The following FAF1 variants were observed in gnomAD, a reference collection of about 807,000 sequenced individuals.
FAF1 encodes the protein Fas associated factor 1, also known as FAS-associated factor 1.
In FAF1, 25 loss-of-function variants were observed where a neutral mutation model predicts 92.5. The ratio of observed to expected loss-of-function variants is 0.27; its 90% CI spans 0.20 to 0.38. The LOEUF is 0.38. FAF1 is among the 10% of genes least tolerant of loss of function. The pLI, the probability that FAF1 is intolerant of heterozygous loss-of-function variation, is 1.00. For synonymous variants in FAF1, 234 were observed against 273.2 expected (o/e 0.86, Z 1.42); for missense variants, 636 against 793.3 (o/e 0.80, Z 2.38).
chr1:50,729,527 C>T (rs1193050472), intron 6 of FAF1, among the ~76,000 whole-genome samples: 2 of 151,792 alleles, frequency 1.3e-5, no homozygotes, highest in Non-Finnish European at 1.5e-5. Flanking sequence ...ATGCCTCAGC[C>T]TCCTGAGTAG....
chr1:50,590,843 G>A (rs1453076494), intron 9 of FAF1, among the ~76,000 whole-genome samples: 2 of 152,090 alleles, frequency 1.3e-5, no homozygotes, highest in Non-Finnish European at 2.9e-5. Flanking sequence ...TTAGCCAGGT[G>A]TGGTGGTGTA....
intron 15 of FAF1, among the ~76,000 whole-genome samples, chr1:50,499,363 G>GT (rs199637214): frequency 0.065 from 7,167 of 110,066 alleles, 205 homozygotes; most frequent in East Asian, 0.13. Flanking sequence ...TAGCTGTAGG[G>GT]TTTTTTTTTT....
Position 50,541,778 on chromosome 1 carries a change from TA to T in FAF1, c.1269-2051del, listed in dbSNP as rs200982335. On this transcript the variant is annotated intron_variant, in intron 13 of 18. Coordinates refer to ENST00000396153, the MANE Select transcript of FAF1 (RefSeq NM_007051.3). ...AAGAAAGAGAGAGAGAGAAGAGAAA[TA>T]AAAAAAAAGGGAAAAGCAGGCAAGT... Among the ~76,000 whole-genome samples, 8 of 148,884 alleles carry T rather than the reference TA, an allele frequency of 5.4e-5. No homozygotes were observed. The South Asian group carries it at 8.5e-4, about 16-fold the overall frequency.
intron 15 of FAF1, among the ~76,000 whole-genome samples, chr1:50,497,013 T>C (rs774986441): frequency 3.3e-5 from 5 of 151,966 alleles, no homozygotes; most frequent in South Asian, 4.1e-4. Context: ...ATCATTGAAA[T>C]TTTTTCAAAT....
chr1:50,621,644 C>T (rs1653214370), intron 8 of FAF1, among the ~76,000 whole-genome samples: 1 of 151,888 alleles, frequency 6.6e-6, no homozygotes, highest in Non-Finnish European at 1.5e-5. Flanking sequence ...AGGTGATCCA[C>T]CCACCTCGGC....
chr1:50,788,141 G>A lies in FAF1; in HGVS notation c.226C>T (p.Pro76Ser), dbSNP rs755529077. The A allele has an allele frequency of 3.7e-6, 6 of 1,614,154 alleles. No homozygotes were observed. Among genetic ancestry groups the A allele is most frequent in the East Asian group, 2.2e-5 (1 of 44,858 alleles). The change falls in exon 4 of 19, where the codon CCT becomes TCT. Residue 76 changes from proline (P) to serine (S), a missense_variant. This residue lies in a region of FAF1 where 317 missense variants were observed against 342.4 expected (regional missense o/e 0.93). Coordinates refer to ENST00000396153, the MANE Select transcript of FAF1 (RefSeq NM_007051.3). ...FNPASHPASA[P>S]TSSSSSAFRP... Reference sequence around the variant, plus strand: ...AACGCTGAAGAAGAAGAGGAAGTAGGAGCTGAAGCTGGATGACTTGCTGGA... The same window carrying A: ...AACGCTGAAGAAGAAGAGGAAGTAGAAGCTGAAGCTGGATGACTTGCTGGA...
At chr1:50,868,204 A>T (rs956031981) in intron 1 of FAF1, among the ~76,000 whole-genome samples, 1 of 152,142 alleles carries the variant, frequency 6.6e-6, no homozygotes, top group African/African-American at 2.4e-5. Flanking sequence ...GTGAGGGATA[A>T]AAGACTACAC....
At chr1:50,916,013 C>G (rs1288194630) in intron 1 of FAF1, among the ~76,000 whole-genome samples, 2 of 152,126 alleles carry the variant, frequency 1.3e-5, no homozygotes, top group Non-Finnish European at 2.9e-5. Context: ...GATAATACAG[C>G]CCTCTGTTTG....
chr1:50,577,297 G>T (rs1315260731), intron 12 of FAF1, among the ~76,000 whole-genome samples: 2 of 152,214 alleles, frequency 1.3e-5, no homozygotes, highest in Non-Finnish European at 2.9e-5. Context: ...GGCTGAGGCG[G>T]GTGGATCACC....
chr1:50,953,020 A>G (rs952841833), intron 1 of FAF1, among the ~76,000 whole-genome samples: 3 of 152,254 alleles, frequency 2.0e-5, no homozygotes, highest in South Asian at 2.1e-4. Context: ...AGAAGTAGAC[A>G]TAGGAGACTC....
At chr1:50,694,004 T>TATACATGACATATATGACATATATGAC (rs1557479119) in intron 7 of FAF1, among the ~76,000 whole-genome samples, 3 of 149,436 alleles carry the variant, frequency 2.0e-5, no homozygotes, top group African/African-American at 7.7e-5. Flanking sequence ...TGTCATTATA[T>TATACATGACATATATGACATATATGAC]ATATACATGA....
At chr1:50,471,615 T>C (rs1312194173) in intron 18 of FAF1, among the ~76,000 whole-genome samples, 2 of 152,158 alleles carry the variant, frequency 1.3e-5, no homozygotes, top group Non-Finnish European at 2.9e-5. Flanking sequence ...TGTCTGTCTG[T>C]TTGGGGATTC....
At chr1:50,762,293 C>A (rs1032620025) in intron 4 of FAF1, among the ~76,000 whole-genome samples, 4 of 152,108 alleles carry the variant, frequency 2.6e-5, no homozygotes, top group South Asian at 2.1e-4. Flanking sequence ...CAATGCCATC[C>A]CCATCAAGCT....
intron 15 of FAF1, among the ~76,000 whole-genome samples, chr1:50,527,833 CTCT>C (rs2149033488): frequency 1.5e-5 from 2 of 133,258 alleles, no homozygotes; most frequent in East Asian, 2.2e-4. Flanking sequence ...CTCTCTCTCT[CTCT>C]CTCTCTCCCT....
intron 18 of FAF1, among the ~76,000 whole-genome samples, chr1:50,451,284 GTTCT>G (rs1197353955): frequency 6.6e-6 from 1 of 152,156 alleles, no homozygotes; most frequent in Non-Finnish European, 1.5e-5. Flanking sequence ...TGCCCTGTTT[GTTCT>G]TTGTTTTATT....
At chr1:50,669,919 C>T (rs941234474) in intron 7 of FAF1, among the ~76,000 whole-genome samples, 1 of 151,908 alleles carries the variant, frequency 6.6e-6, no homozygotes, top group Non-Finnish European at 1.5e-5. Context: ...GTCGGGAGTT[C>T]GAGACCAGCC....
chr1:50,634,621 TTTTG>T (rs1402652053), intron 8 of FAF1, among the ~76,000 whole-genome samples: 1 of 152,194 alleles, frequency 6.6e-6, no homozygotes, highest in Non-Finnish European at 1.5e-5. Flanking sequence ...TGTTTGTGGT[TTTTG>T]TTTGTTTTAA....
intron 18 of FAF1, among the ~76,000 whole-genome samples, chr1:50,472,376 C>T (rs1007934441): frequency 3.9e-5 from 3 of 77,798 alleles, no homozygotes; most frequent in Non-Finnish European, 6.3e-5. Flanking sequence ...CATACACACA[C>T]ACACACACAC....
At position 50,812,686 on chromosome 1, in the gene FAF1, A is replaced by G. The variant is rs563443575; in HGVS notation, c.115-11009T>C. On this transcript the variant is annotated intron_variant, in intron 2 of 18. Transcript: ENST00000396153. ...TCGGCAATTTCTCAAAGAACTTAAGAAAGAATTACCATTCGACCCCACCAT... is the reference window on the plus strand; with the variant it reads ...TCGGCAATTTCTCAAAGAACTTAAGGAAGAATTACCATTCGACCCCACCAT... Among the ~76,000 whole-genome samples the G allele has an allele frequency of 2.6e-5, 4 of 152,326 alleles. No homozygotes were observed. The South Asian group carries it at 8.3e-4, about 32-fold the overall frequency.
Sources: allele counts gnomAD v4.1 joint callset (sites outside exome capture counted in the v4.1 genomes callset), GRCh38; gene constraint gnomAD v4.1.1; regional missense constraint gnomAD v4.1.1; transcripts MANE v1.5; gene names NCBI Gene and HGNC (gene_info 2026-07-23, HGNC 2026-07-21).